The following OLA1 variants were observed in gnomAD, a reference collection of about 807,000 sequenced individuals.
OLA1 encodes obg-like ATPase 1.
A neutral mutation model predicts 48.4 loss-of-function variants in OLA1; 14 were observed. The ratio of observed to expected loss-of-function variants is 0.29; its 90% CI spans 0.19 to 0.45. The LOEUF is 0.45. Ranked by LOEUF, OLA1 falls within the 20% of genes least tolerant of loss-of-function variation. OLA1 has a pLI of 1.00. For synonymous variants in OLA1, 127 were observed against 150.4 expected (o/e 0.84, Z 1.14); for missense variants, 325 against 467.1 (o/e 0.70, Z 2.80).
chr2:174,238,758 T>C (rs761535237), intron 2 of OLA1, among the ~76,000 whole-genome samples: 1 of 152,096 alleles, frequency 6.6e-6, no homozygotes, highest in Non-Finnish European at 1.5e-5. Context: ...AAATAAAAAT[T>C]TATGTATCCT....
intron 5 of OLA1, among the ~76,000 whole-genome samples, chr2:174,132,948 TAC>T (rs202030051): frequency 0.034 from 5,215 of 152,322 alleles, 131 homozygotes; most frequent in South Asian, 0.071. Flanking sequence ...CTTTTAGTAC[TAC>T]AGTTTTTGTT....
At chr2:174,149,868 G>A (rs1194665220) in intron 4 of OLA1, among the ~76,000 whole-genome samples, 1 of 152,156 alleles carries the variant, frequency 6.6e-6, no homozygotes, top group African/African-American at 2.4e-5. Context: ...CTAACCTGAA[G>A]GACTTCAGAA....
rs149397795 is a variant in OLA1 at position 174,236,985 on chromosome 2, AT to A, written c.102-7535del. ...TGTACATTCAGGATACACTAAAATT[AT>A]TTTTTAATATTTTTCTTTCTTCAAT... On this transcript the variant is annotated intron_variant, in intron 2 of 10. Transcript: ENST00000284719. Among the ~76,000 whole-genome samples the A allele has an allele frequency of 7.7e-3, 1,172 of 152,134 alleles. 10 individuals are homozygous for A. Among genetic ancestry groups the A allele is most frequent in the African/African-American group, 0.027 (1,135 of 41,504 alleles).
intron 4 of OLA1, among the ~76,000 whole-genome samples, chr2:174,151,382 T>C (rs1686742817): frequency 6.6e-6 from 1 of 152,158 alleles, no homozygotes; most frequent in Admixed American, 6.5e-5. Flanking sequence ...AAATATATGG[T>C]CATATCAAAT....
intron 4 of OLA1, among the ~76,000 whole-genome samples, chr2:174,186,812 G>T (rs1435847138): frequency 2.0e-5 from 3 of 152,176 alleles, no homozygotes; most frequent in African/African-American, 7.2e-5. Flanking sequence ...AAGACCTGGA[G>T]AAACTGGACA....
intron 4 of OLA1, among the ~76,000 whole-genome samples, chr2:174,151,801 T>C (rs972211768): frequency 1.3e-5 from 2 of 152,200 alleles, no homozygotes; most frequent in African/African-American, 4.8e-5. Flanking sequence ...AACTCCTATT[T>C]ATTTTCCATA....
At chr2:174,213,088 A>G (rs1688280096) in intron 4 of OLA1, among the ~76,000 whole-genome samples, 1 of 152,222 alleles carries the variant, frequency 6.6e-6, no homozygotes, top group Admixed American at 6.5e-5. Context: ...TACTCCCACC[A>G]TCACCGTCAA....
At chr2:174,108,807 T>TA (rs1272424783) in intron 7 of OLA1, among the ~76,000 whole-genome samples, 1 of 152,200 alleles carries the variant, frequency 6.6e-6, no homozygotes, top group Non-Finnish European at 1.5e-5. Context: ...ATCAAGGACA[T>TA]ATGTAACATC....
chr2:174,112,542 C>A (rs1460992494), intron 7 of OLA1, among the ~76,000 whole-genome samples: 1 of 152,106 alleles, frequency 6.6e-6, no homozygotes, highest in African/African-American at 2.4e-5. Flanking sequence ...AATCCTAAGC[C>A]CCCAGTGCAA....
chr2:174,143,733 G>A (rs551431124), intron 4 of OLA1, among the ~76,000 whole-genome samples: 1 of 152,158 alleles, frequency 6.6e-6, no homozygotes. Context: ...GCCCTCTGAT[G>A]ATCTAAAAGA....
Position 174,110,420 on chromosome 2 carries a change from G to A in OLA1, c.728+12760C>T, listed in dbSNP as rs543589867. ...GCCCACCTCGGCCTCCCAAAATGCT[G>A]GTATTACAGATGTGAGACACCGTGC... On this transcript the variant is annotated intron_variant, in intron 7 of 10. Transcript: ENST00000284719. Among the ~76,000 whole-genome samples, 13 of 149,980 alleles carry A rather than the reference G, an allele frequency of 8.7e-5. No individual in the cohort carries two copies. The Admixed American group carries it at 8.7e-4, about 10-fold the overall frequency.
intron 4 of OLA1, among the ~76,000 whole-genome samples, chr2:174,166,850 T>C (rs987867614): frequency 3.3e-5 from 5 of 152,166 alleles, no homozygotes. Flanking sequence ...TGCTAAAAGA[T>C]TGTATTAACT....
In OLA1 at chr2:174,170,228, G is replaced by A. The variant is rs555451870; in HGVS notation, c.374-28228C>T. ...AGCCTGGGCTACAGAGCGAGACTCCGTCTCAAAAAGAAAGAAAAAAAATAC... is the reference window on the plus strand; with the variant it reads ...AGCCTGGGCTACAGAGCGAGACTCCATCTCAAAAAGAAAGAAAAAAAATAC... On this transcript the variant is annotated intron_variant, in intron 4 of 10. Coordinates refer to ENST00000284719, the MANE Select transcript of OLA1 (RefSeq NM_013341.5). Among the ~76,000 whole-genome samples the A allele has an allele frequency of 8.8e-4, 134 of 151,952 alleles. 1 individual carries two copies. Among genetic ancestry groups the A allele is most frequent in the African/African-American group, 2.4e-3 (99 of 41,430 alleles).
At chr2:174,197,521 C>G (rs577444260) in intron 4 of OLA1, among the ~76,000 whole-genome samples, 1 of 152,176 alleles carries the variant, frequency 6.6e-6, no homozygotes, top group African/African-American at 2.4e-5. Context: ...CCACCCCCAA[C>G]TCCAATGAAG....
chr2:174,108,942 C>T (rs1183788283), intron 7 of OLA1, among the ~76,000 whole-genome samples: 3 of 152,116 alleles, frequency 2.0e-5, no homozygotes, highest in African/African-American at 7.2e-5. Context: ...TTATTTTGCT[C>T]TTTAGAATGG....
chr2:174,204,177 G>A (rs997879320), intron 4 of OLA1, among the ~76,000 whole-genome samples: 7 of 151,758 alleles, frequency 4.6e-5, no homozygotes, highest in Non-Finnish European at 7.4e-5. Context: ...CGAGGCGGGC[G>A]GATCACAAGA....
At chr2:174,158,495 T>C (rs1296784393) in intron 4 of OLA1, among the ~76,000 whole-genome samples, 3 of 152,158 alleles carry the variant, frequency 2.0e-5, no homozygotes, top group Non-Finnish European at 4.4e-5. Flanking sequence ...TTCATTAATA[T>C]AAACTCAGAT....
At chr2:174,171,535 C>T (rs1457277050) in intron 4 of OLA1, among the ~76,000 whole-genome samples, 1 of 150,382 alleles carries the variant, frequency 6.6e-6, no homozygotes, top group African/African-American at 2.5e-5. Context: ...AAAGAAGTCA[C>T]AAGAGAAATA....
At chr2:174,141,024 C>A (rs967223139) in intron 5 of OLA1, among the ~76,000 whole-genome samples, 1 of 152,142 alleles carries the variant, frequency 6.6e-6, no homozygotes, top group East Asian at 1.9e-4. Context: ...CTCCGCCTCC[C>A]GGGTTCAAGC....
Sources: allele counts gnomAD v4.1 joint callset (sites outside exome capture counted in the v4.1 genomes callset), GRCh38; gene constraint gnomAD v4.1.1; transcripts MANE v1.5; gene names NCBI Gene and HGNC (gene_info 2026-07-23, HGNC 2026-07-21).